FGD3: variants seen among roughly 807,000 people sequenced by gnomAD.
FGD3 encodes the protein FYVE, RhoGEF and PH domain-containing protein 3.
A neutral mutation model predicts 71.8 loss-of-function variants in FGD3; 45 were observed. That is an observed-to-expected ratio of 0.63 (90% confidence interval 0.49 to 0.80). The LOEUF (loss-of-function observed/expected upper bound fraction) is 0.80. Ranked by LOEUF, FGD3 falls within the 30% of genes least tolerant of loss-of-function variation. The pLI, the probability that FGD3 is intolerant of heterozygous loss-of-function variation, is 0.00. For synonymous variants in FGD3, 378 were observed against 392.8 expected (o/e 0.96, Z 0.44); for missense variants, 844 against 951.5 (o/e 0.89, Z 1.49).
At chr9:93,022,443 A>C in intron 14 of FGD3, 54 bp downstream of exon 14, 1 of 1,582,860 alleles carries the variant, frequency 6.3e-7, no homozygotes, top group Non-Finnish European at 8.6e-7. Flanking sequence ...GCAGGGGGTC[A>C]GACCAGGATG....
intron 1 of FGD3, among the ~76,000 whole-genome samples, chr9:92,963,591 T>C (rs1160973992): frequency 6.6e-6 from 1 of 152,202 alleles, no homozygotes; most frequent in Non-Finnish European, 1.5e-5. Flanking sequence ...TGAGCCACCA[T>C]GCCCAGGTGA....
intron 1 of FGD3, among the ~76,000 whole-genome samples, chr9:92,971,837 G>T (rs1859546624): frequency 6.6e-6 from 1 of 151,624 alleles, no homozygotes; most frequent in African/African-American, 2.4e-5. Context: ...TTTGACATGG[G>T]GTGTGCTCAT....
chr9:93,030,052 C>A, intron 15 of FGD3, 56 bp downstream of exon 15: 1 of 1,587,144 alleles, frequency 6.3e-7, no homozygotes, highest in Non-Finnish European at 8.6e-7. Flanking sequence ...TCTGCTCTGA[C>A]AGAGCAGCTG....
intron 1 of FGD3, among the ~76,000 whole-genome samples, chr9:92,956,135 GT>G (rs1421281336): frequency 6.6e-6 from 1 of 152,108 alleles, no homozygotes; most frequent in African/African-American, 2.4e-5. Flanking sequence ...TTGTTTGTTT[GT>G]TTGTTTGTTT....
At chr9:92,984,161 C>T (rs1211301640) in intron 3 of FGD3, among the ~76,000 whole-genome samples, 1 of 152,210 alleles carries the variant, frequency 6.6e-6, no homozygotes, top group Non-Finnish European at 1.5e-5. Context: ...GCAAATTGTA[C>T]AGTTAAGAGT....
Position 93,035,354 on chromosome 9 carries a change from G to T in FGD3, c.1943G>T (p.Arg648Leu). ...QGGSQDGRLP[R>L]TIPLPSCKLS... ...CTGCTGCAGGACGGCCGGCTGCCCC[G>T]CACCATCCCTCTCCCCAGCTGCAAA... Residue 648 changes from arginine (R) to leucine (L), a missense_variant, in exon 18 of 18, where the codon CGC (arginine) becomes CTC (leucine). Coordinates refer to ENST00000375482, the MANE Select transcript of FGD3 (RefSeq NM_001083536.2). 2 of 1,609,736 alleles carry T rather than the reference G, an allele frequency of 1.2e-6. No individual in the cohort carries two copies. Among genetic ancestry groups the T allele is most frequent in the Non-Finnish European group, 1.7e-6 (2 of 1,178,770 alleles).
chr9:93,033,156 G>A, intron 16 of FGD3: 1 of 483,928 alleles, frequency 2.1e-6, no homozygotes. Context: ...TGGTTGGAGG[G>A]CATGGATTGA....
chr9:92,975,906 A>G (rs1037158374), intron 2 of FGD3, among the ~76,000 whole-genome samples: 2 of 152,226 alleles, frequency 1.3e-5, no homozygotes, highest in African/African-American at 4.8e-5. Context: ...TACCTTGAGC[A>G]TCTATTTTGA....
chr9:92,963,470 T>G (rs1859212195), intron 1 of FGD3, among the ~76,000 whole-genome samples: 1 of 152,096 alleles, frequency 6.6e-6, no homozygotes, highest in African/African-American at 2.4e-5. Flanking sequence ...CAGCTGATTT[T>G]TGTATTTTTA....
intron 15 of FGD3, among the ~76,000 whole-genome samples, chr9:93,031,921 G>A (rs1377859340): frequency 1.3e-5 from 2 of 152,112 alleles, no homozygotes; most frequent in African/African-American, 4.8e-5. Flanking sequence ...CCACCGATGG[G>A]ATGCAGCTGC....
At chr9:92,982,845 A>C (rs7867742) in intron 3 of FGD3, among the ~76,000 whole-genome samples, 2 of 151,888 alleles carry the variant, frequency 1.3e-5, no homozygotes, top group African/African-American at 2.4e-5. Context: ...CAGCACTTTG[A>C]GAGGCTGAGG....
chr9:92,964,783 G>C (rs1273931765), intron 1 of FGD3, among the ~76,000 whole-genome samples: 2 of 152,124 alleles, frequency 1.3e-5, no homozygotes, highest in Admixed American at 6.5e-5. Flanking sequence ...CCAGGGCATC[G>C]AGACCACGGC....
At chr9:93,024,429 C>T (rs1034107279) in intron 14 of FGD3, among the ~76,000 whole-genome samples, 3 of 152,254 alleles carry the variant, frequency 2.0e-5, no homozygotes, top group Non-Finnish European at 2.9e-5. Context: ...CTCCCACACA[C>T]ACAGCTCACA....
At chr9:93,024,523 T>A (rs1862048989) in intron 14 of FGD3, among the ~76,000 whole-genome samples, 1 of 152,258 alleles carries the variant, frequency 6.6e-6, no homozygotes, top group South Asian at 2.1e-4. Flanking sequence ...GAGACATCCG[T>A]GGTCACAGTC....
intron 7 of FGD3, among the ~76,000 whole-genome samples, 162 bp from the exon 8 acceptor site, chr9:93,011,051 AC>A (rs1861340924): frequency 6.6e-6 from 1 of 151,758 alleles, no homozygotes; most frequent in South Asian, 2.1e-4. Context: ...AGGCAGGGTC[AC>A]CCCCTTCCTC....
chr9:93,000,150 T>C (rs1380694315), intron 3 of FGD3, among the ~76,000 whole-genome samples: 1 of 152,202 alleles, frequency 6.6e-6, no homozygotes, highest in African/African-American at 2.4e-5. Flanking sequence ...TAAAACATTT[T>C]AAAGTTATAG....
At chr9:93,028,995 G>GTTGTTTT (rs1862244652) in intron 14 of FGD3, among the ~76,000 whole-genome samples, 1 of 51,716 alleles carries the variant, frequency 1.9e-5, no homozygotes, top group Non-Finnish European at 3.7e-5. Context: ...TGTCCTCACA[G>GTTGTTTT]TTTTTTTTTT....
rs1277585071 is a variant in FGD3 at position 92,976,423 on chromosome 9, C to G, written c.167C>G (p.Ser56Cys). The G allele has an allele frequency of 6.2e-7, 1 of 1,611,734 alleles. No individual in the cohort carries two copies. The highest frequency in any genetic ancestry group is 8.5e-7 in the Non-Finnish European group (1 of 1,179,432). ...AGCCTGGCTGCAGCAGGGGACGGCT[C>G]TCCAGACATAGGCCCCACGGGAGAG... ...PVSLAAAGDG[S>C]PDIGPTGELS... The change falls in exon 3 of 18, where the codon TCT becomes TGT. Residue 56 changes from serine to cysteine, a missense_variant. Coordinates refer to ENST00000375482, the MANE Select transcript of FGD3 (RefSeq NM_001083536.2).
chr9:92,987,912 C>T (rs1233082119), intron 3 of FGD3, among the ~76,000 whole-genome samples: 1 of 152,196 alleles, frequency 6.6e-6, no homozygotes, highest in African/African-American at 2.4e-5. Flanking sequence ...TATCAGGAAG[C>T]TGATTATCTG....
Sources: allele counts gnomAD v4.1 joint callset (sites outside exome capture counted in the v4.1 genomes callset), GRCh38; gene constraint gnomAD v4.1.1; transcripts MANE v1.5; gene names NCBI Gene and HGNC (gene_info 2026-07-23, HGNC 2026-07-21).